Variants in C10orf67 observed in about 807,000 individuals in gnomAD.
The protein encoded by C10orf67 is uncharacterized protein C10orf67, mitochondrial.
C10orf67 carries 60 observed loss-of-function variants against 35.6 expected under a neutral mutation model. The observed-to-expected ratio is 1.68, with a 90% CI of 1.37 to 2.09. The LOEUF is 2.09. Among genes scored for constraint, C10orf67 ranks in the 30% most tolerant of loss-of-function variants. The pLI, the probability that C10orf67 is intolerant of heterozygous loss-of-function variation, is 0.00. For synonymous variants in C10orf67, 167 were observed against 115.8 expected, an observed-to-expected ratio of 1.44 and a Z score of -2.84; for missense variants, 474 against 330.2, an observed-to-expected ratio of 1.44 and a Z score of -3.38.
At position 23,227,693 on chromosome 10, in the gene C10orf67, C is replaced by T. The variant is rs111904235; in HGVS notation, c.1435-3875G>A. On this transcript the variant is annotated intron_variant, in intron 13 of 15. Transcript: ENST00000636213. ...TGATTGTATATCTAGAAAACCCCAT[C>T]GTCTCAGCCTAAAATCTCCTTAAGC... Among the ~76,000 whole-genome samples the T allele has an allele frequency of 3.0e-3, 462 of 152,246 alleles. 4 individuals carry two copies. The highest frequency in any genetic ancestry group is 0.011 in the African/African-American group (439 of 41,566).
At chr10:23,248,251 G>A (rs1422006812) in intron 12 of C10orf67, among the ~76,000 whole-genome samples, 1 of 152,220 alleles carries the variant, frequency 6.6e-6, no homozygotes. Context: ...TGGGGTGGAG[G>A]TGGAAACAGC....
intron 1 of C10orf67, among the ~76,000 whole-genome samples, chr10:23,339,924 G>T (rs1845818391): frequency 6.6e-6 from 1 of 152,112 alleles, no homozygotes; most frequent in South Asian, 2.1e-4. Flanking sequence ...AGTCTACACT[G>T]CTGCACATTT....
chr10:23,303,552 G>A, intron 4 of C10orf67, 93 bp from the exon 5 acceptor site: 1 of 441,250 alleles, frequency 2.3e-6, no homozygotes, highest in Non-Finnish European at 4.1e-6. Flanking sequence ...TTAAAAATTA[G>A]ACACCACCAG....
chr10:23,328,966 CAG>C lies in C10orf67; in HGVS notation c.327+4094_327+4095del, dbSNP rs202181443. 6.5e-4 allele frequency among the ~76,000 whole-genome samples: 68 copies of C among 104,376 alleles called. 1 individual carries two copies. In the East Asian group the frequency reaches 0.02, roughly 31 times the overall value. 68.5% of individuals were successfully genotyped at this position (104,376 alleles called of 152,430 possible). On this transcript the variant is annotated intron_variant, in intron 2 of 15. Coordinates refer to ENST00000636213, the MANE Select transcript of C10orf67 (RefSeq NM_001371909.1). ...TGCCACTACACTCCAGCCTGGGCAA[CAG>C]AGTGGACCCTGTCTCATAAACGAAC...
chr10:23,289,971 G>GGAGA lies in C10orf67; in HGVS notation c.851-17_851-14dup, dbSNP rs893697026. On this transcript the variant is annotated splice_polypyrimidine_tract_variant and intron_variant, in intron 6 of 15. Transcript: ENST00000636213. ...ATAAGTTCATCTTCTGTAAACAAAAGGAGAGAGAGGCCAACCATGAAATTA... is the reference window on the plus strand; with the variant it reads ...ATAAGTTCATCTTCTGTAAACAAAAGGAGAGAGAGAGAGGCCAACCATGAAATTA... 1.5e-5 allele frequency: 11 copies of GGAGA among 715,972 alleles called. No individual in the cohort carries two copies. Among genetic ancestry groups the GGAGA allele is most frequent in the African/African-American group, 1.2e-4 (7 of 57,232 alleles). The allele number at this position is 715,972 out of a possible 1,614,324, so 44.4% of individuals were successfully genotyped here. A position where few individuals can be genotyped will look rare whatever the true frequency, so the allele number is the denominator to read the frequency against.
At chr10:23,289,485 C>T (rs938207078) in intron 7 of C10orf67, among the ~76,000 whole-genome samples, 5 of 152,144 alleles carry the variant, frequency 3.3e-5, no homozygotes, top group African/African-American at 1.2e-4. Flanking sequence ...GATTTTTATT[C>T]TACCAAAAGA....
chr10:23,215,508 G>A (rs1291342305), intron 15 of C10orf67, among the ~76,000 whole-genome samples: 5 of 151,956 alleles, frequency 3.3e-5, no homozygotes, highest in Admixed American at 2.0e-4. Context: ...TGGTCAGGCT[G>A]GTCTCAAACT....
intron 4 of C10orf67, among the ~76,000 whole-genome samples, chr10:23,310,678 C>A (rs1844462427): frequency 6.6e-6 from 1 of 152,214 alleles, no homozygotes; most frequent in Non-Finnish European, 1.5e-5. Flanking sequence ...AAGTCCCATA[C>A]CAGTCCTCAC....
intron 12 of C10orf67, among the ~76,000 whole-genome samples, chr10:23,249,257 C>CAGAA (rs1842390421): frequency 6.7e-6 from 1 of 150,048 alleles, no homozygotes; most frequent in Non-Finnish European, 1.5e-5. Flanking sequence ...GTGAACCCTA[C>CAGAA]AGAAATAAAT....
Position 23,291,338 on chromosome 10 carries a change from A to T in C10orf67, c.703-59T>A, listed in dbSNP as rs187930565. On this transcript the variant is annotated intron_variant, in intron 5 of 15. Coordinates refer to ENST00000636213, the MANE Select transcript of C10orf67 (RefSeq NM_001371909.1). ...GGAGCCAAGGATTTAAATATGCAAG[A>T]CAAGGACAATACAGATACAGAAAAG... is the stretch of plus-strand genomic sequence containing the variant. 1.2e-3 allele frequency: 782 copies of T among 677,272 alleles called. 8 individuals carry two copies. Among genetic ancestry groups the T allele is most frequent in the Non-Finnish European group, 1.3e-4 (50 of 374,286 alleles). The allele number at this position is 677,272 out of a possible 1,614,324, so 42.0% of individuals were successfully genotyped here.
intron 2 of C10orf67, among the ~76,000 whole-genome samples, chr10:23,323,783 G>A (rs1278011286): frequency 5.4e-5 from 8 of 148,024 alleles, no homozygotes; most frequent in African/African-American, 1.2e-4. Context: ...GTGGCAGTGC[G>A]CCCCTGTAAT....
chr10:23,225,555 A>G (rs1204435102), intron 13 of C10orf67, among the ~76,000 whole-genome samples: 1 of 152,230 alleles, frequency 6.6e-6, no homozygotes, highest in Non-Finnish European at 1.5e-5. Context: ...AAATGCTCCA[A>G]TTAAAAGACA....
chr10:23,311,226 T>C (rs1450479281), intron 4 of C10orf67, among the ~76,000 whole-genome samples: 1 of 152,178 alleles, frequency 6.6e-6, no homozygotes, highest in Non-Finnish European at 1.5e-5. Context: ...CATCTTAGGG[T>C]GGCTTACTAA....
intron 7 of C10orf67, among the ~76,000 whole-genome samples, chr10:23,286,978 A>G (rs2132250501): frequency 6.6e-6 from 1 of 152,346 alleles, no homozygotes; most frequent in African/African-American, 2.4e-5. Flanking sequence ...ATAAGAGAGG[A>G]CACAAACAAA....
chr10:23,307,674 G>A (rs1272429422), intron 4 of C10orf67, among the ~76,000 whole-genome samples: 3 of 148,696 alleles, frequency 2.0e-5, no homozygotes, highest in African/African-American at 5.0e-5. Flanking sequence ...TGATGCAATC[G>A]GCTCACTGCA....
rs1463650113 is a variant in C10orf67, at chr10:23,325,544, A to C, written c.328-3007T>G. Among the ~76,000 whole-genome samples the C allele has an allele frequency of 1.7e-3, 252 of 145,142 alleles. 1 individual carries two copies. Among genetic ancestry groups the C allele is most frequent in the African/African-American group, 6.2e-3 (244 of 39,108 alleles). ...AGTTAATTGTGTGCAAAAAAAAAAA[A>C]AACAAAAAACAAAAAAACAAAACCA... On this transcript the variant is annotated intron_variant, in intron 2 of 15. Coordinates refer to ENST00000636213, the MANE Select transcript of C10orf67 (RefSeq NM_001371909.1).
At position 23,300,181 on chromosome 10, in the gene C10orf67, G is replaced by A. The variant is rs187771881; in HGVS notation, c.702+3123C>T. 1.5e-3 allele frequency among the ~76,000 whole-genome samples: 227 copies of A among 152,168 alleles called. 2 individuals are homozygous for A. The highest frequency in any genetic ancestry group is 5.0e-3 in the African/African-American group (207 of 41,502). On this transcript the variant is annotated intron_variant, in intron 5 of 15. Coordinates refer to ENST00000636213, the MANE Select transcript of C10orf67 (RefSeq NM_001371909.1). ...GAGGATCTTTGTCCCCTGGGGCAGC[G>A]GGCCTTCCAGTGATTCCCTTGACAT...
intron 5 of C10orf67, among the ~76,000 whole-genome samples, chr10:23,296,975 A>T (rs762854194): frequency 5.9e-5 from 9 of 152,342 alleles, no homozygotes; most frequent in Admixed American, 1.3e-4. Flanking sequence ...GGTTTGGTGA[A>T]GGGTTTTAAG....
At chr10:23,228,816 C>CA (rs1254426394) in intron 13 of C10orf67, among the ~76,000 whole-genome samples, 1 of 151,778 alleles carries the variant, frequency 6.6e-6, no homozygotes, top group African/African-American at 2.4e-5. Context: ...TTTATGCAGC[C>CA]AAAAAAACAT....
Sources: gnomAD v4.1 joint callset for allele counts (sites outside exome capture counted in the v4.1 genomes callset) on GRCh38, gnomAD v4.1.1 for gene constraint, MANE v1.5 for transcripts, NCBI Gene and HGNC (gene_info 2026-07-23, HGNC 2026-07-21) for gene names.